Variants in AMOTL1 observed in about 807,000 individuals in gnomAD.
AMOTL1 encodes the protein angiomotin like 1.
AMOTL1 carries 45 observed loss-of-function variants against 102.9 expected under a neutral mutation model. That is an observed-to-expected ratio of 0.44 (90% CI 0.34 to 0.56). AMOTL1 has a LOEUF of 0.56. Among genes scored for constraint, AMOTL1 ranks in the 20% least tolerant of loss-of-function variants. The pLI is 0.01. For synonymous variants in AMOTL1, 481 were observed against 484.7 expected (o/e 0.99, Z 0.10); for missense variants, 1,114 against 1,225.6 (o/e 0.91, Z 1.36).
chr11:94,707,035 G>C (rs1164741407), intron 1 of AMOTL1, among the ~76,000 whole-genome samples: 11 of 152,050 alleles, frequency 7.2e-5, no homozygotes, highest in African/African-American at 2.7e-4. Context: ...TGTTTCGCTG[G>C]TGTGAATGCT....
chr11:94,837,010 C>G (rs966630212), intron 6 of AMOTL1, among the ~76,000 whole-genome samples: 1 of 152,168 alleles, frequency 6.6e-6, no homozygotes, highest in Non-Finnish European at 1.5e-5. Context: ...CAGATCTACA[C>G]CATGAGCAAA....
chr11:94,854,162 A>G, intron 8 of AMOTL1, 80 bp downstream of exon 8: 1 of 1,426,418 alleles, frequency 7.0e-7, no homozygotes, highest in Non-Finnish European at 9.2e-7. Context: ...CATGGGCCAG[A>G]TCCTGCACCT....
chr11:94,836,215 G>A (rs927700801), intron 6 of AMOTL1, among the ~76,000 whole-genome samples: 2 of 152,152 alleles, frequency 1.3e-5, no homozygotes, highest in South Asian at 2.1e-4. Flanking sequence ...ATCCTCATTA[G>A]GTTTCATTAC....
intron 3 of AMOTL1, among the ~76,000 whole-genome samples, chr11:94,747,980 A>T (rs1348094452): frequency 6.6e-6 from 1 of 152,206 alleles, no homozygotes; most frequent in Non-Finnish European, 1.5e-5. Flanking sequence ...TAGTCTAGTT[A>T]TATGCCAGGA....
chr11:94,726,673 C>A, intron 1 of AMOTL1, among the ~76,000 whole-genome samples: 1 of 152,166 alleles, frequency 6.6e-6, no homozygotes. Flanking sequence ...TTGTCTATGG[C>A]AGGGTTTAGA....
At chr11:94,829,423 A>G (rs573860601) in intron 4 of AMOTL1, among the ~76,000 whole-genome samples, 2 of 152,008 alleles carry the variant, frequency 1.3e-5, no homozygotes, top group Non-Finnish European at 2.9e-5. Flanking sequence ...AGGTTTCACC[A>G]TGTTGGCCAG....
At position 94,799,433 on chromosome 11, in the gene AMOTL1, G is replaced by A. The variant is rs1396934542; in HGVS notation, c.243G>A (p.Arg81=). 2.5e-6 allele frequency: 4 copies of A among 1,596,414 alleles called. No individual in the cohort carries two copies. In the East Asian group the frequency reaches 9.0e-5, roughly 36 times the overall value. The change falls in exon 3 of 13, where the codon AGG becomes AGA. Residue 81 remains arginine, a synonymous_variant. Coordinates refer to ENST00000433060, the MANE Select transcript of AMOTL1 (RefSeq NM_130847.3). The surrounding 1 kb of genome is among the most constrained non-coding windows in gnomAD (Gnocchi z 4.5). ...LCNFHSPNFL[R]ISEVEMRGSE... ...ACTTCCACTCCCCAAACTTCCTGAG[G>A]ATCTCAGAGGTGGAAATGAGAGGTT...
At chr11:94,811,861 G>C (rs940808180) in intron 3 of AMOTL1, among the ~76,000 whole-genome samples, 1 of 152,140 alleles carries the variant, frequency 6.6e-6, no homozygotes, top group African/African-American at 2.4e-5. Flanking sequence ...TCAGGCTAAT[G>C]ACTGCTCTCT....
At chr11:94,762,956 A>T (rs546346810) in intron 3 of AMOTL1, among the ~76,000 whole-genome samples, 2 of 152,228 alleles carry the variant, frequency 1.3e-5, no homozygotes, top group East Asian at 3.8e-4. Flanking sequence ...CAAACTACCT[A>T]TGTAGCATGG....
intron 3 of AMOTL1, among the ~76,000 whole-genome samples, chr11:94,814,901 A>G (rs1254753956): frequency 1.3e-5 from 2 of 152,176 alleles, no homozygotes; most frequent in Non-Finnish European, 2.9e-5. Context: ...CATGATTATA[A>G]TTATTATCAT....
rs1953087046 is a variant in AMOTL1 at position 94,875,897 on chromosome 11, T to C, written c.*5102T>C. 1 of 152,564 alleles carries C rather than the reference T, an allele frequency of 6.6e-6. No individual in the cohort carries two copies. Among genetic ancestry groups the C allele is most frequent in the South Asian group, 2.1e-4 (1 of 4,836 alleles). The allele number at this position is 152,564 out of a possible 1,614,324, so 9.5% of individuals were successfully genotyped here. A position where few individuals can be genotyped will look rare whatever the true frequency, so the allele number is the denominator to read the frequency against. Reference sequence around the variant, plus strand: ...TCTCTGCATACACTACAGATATAAGTGCATAATCATTCATATAAACATCTG... The same window carrying C: ...TCTCTGCATACACTACAGATATAAGCGCATAATCATTCATATAAACATCTG... On this transcript the variant is annotated 3_prime_UTR_variant, in exon 13 of 13. Coordinates refer to ENST00000433060, the MANE Select transcript of AMOTL1 (RefSeq NM_130847.3).
chr11:94,759,669 C>A (rs1950768279), intron 3 of AMOTL1, among the ~76,000 whole-genome samples: 1 of 151,060 alleles, frequency 6.6e-6, no homozygotes, highest in Non-Finnish European at 1.5e-5. Context: ...TCAGGTAATT[C>A]ACAGGACCTC....
At chr11:94,761,351 G>A (rs1461963006) in intron 3 of AMOTL1, among the ~76,000 whole-genome samples, 2 of 151,584 alleles carry the variant, frequency 1.3e-5, no homozygotes, top group Non-Finnish European at 2.9e-5. Flanking sequence ...ACCATGCCTG[G>A]CTAATTTTTG....
chr11:94,736,274 C>T (rs549628765), intron 2 of AMOTL1, among the ~76,000 whole-genome samples: 36 of 152,246 alleles, frequency 2.4e-4, no homozygotes, highest in African/African-American at 7.7e-4. Context: ...TATTTTGAGA[C>T]GAAATCTCAC....
chr11:94,792,843 T>C (rs1403925687), intron 1 of AMOTL1, among the ~76,000 whole-genome samples: 1 of 152,196 alleles, frequency 6.6e-6, no homozygotes, highest in Non-Finnish European at 1.5e-5. Context: ...TTTGGTGTCC[T>C]CTGTGCTCCG....
intron 3 of AMOTL1, among the ~76,000 whole-genome samples, chr11:94,746,800 G>A (rs1285781254): frequency 6.6e-6 from 1 of 152,128 alleles, no homozygotes; most frequent in Admixed American, 6.5e-5. Flanking sequence ...CACATCTCAA[G>A]TGATTTCAAT....
intron 6 of AMOTL1, among the ~76,000 whole-genome samples, chr11:94,832,634 C>T (rs1304255193): frequency 6.6e-6 from 1 of 152,166 alleles, no homozygotes. Flanking sequence ...AAGGCTATAG[C>T]GGCACTTTGA....
intron 10 of AMOTL1, 79 bp from the exon 11 acceptor site, chr11:94,865,863 T>C: frequency 8.0e-7 from 1 of 1,256,322 alleles, no homozygotes; most frequent in Non-Finnish European, 1.1e-6. Context: ...TTAAAGTCTT[T>C]GGGACAGCCT....
chr11:94,763,156 A>G (rs1950814821), intron 3 of AMOTL1, among the ~76,000 whole-genome samples: 1 of 152,180 alleles, frequency 6.6e-6, no homozygotes, highest in South Asian at 2.1e-4. Flanking sequence ...TTCCAGAACT[A>G]CACAAGTGTC....
Sources: allele counts gnomAD v4.1 joint callset (sites outside exome capture counted in the v4.1 genomes callset), GRCh38; gene constraint gnomAD v4.1.1; non-coding constraint Gnocchi (gnomAD v3.1); transcripts MANE v1.5; gene names NCBI Gene and HGNC (gene_info 2026-07-23, HGNC 2026-07-21).